The following SMIM35 variants were observed in gnomAD, a reference collection of about 807,000 sequenced individuals.
SMIM35 encodes TMPRSS4 antisense RNA 1 (non-protein coding).
chr11:118,024,995 C>T (rs1473399476), intron 1 of SMIM35, among the ~76,000 whole-genome samples: 1 of 152,152 alleles, frequency 6.6e-6, no homozygotes, highest in Non-Finnish European at 1.5e-5. Flanking sequence ...GTTAAGCTTT[C>T]ACTTGTAACG....
intron 1 of SMIM35, among the ~76,000 whole-genome samples, chr11:118,027,848 A>G (rs887128938): frequency 2.0e-5 from 3 of 152,212 alleles, no homozygotes; most frequent in African/African-American, 7.2e-5. Flanking sequence ...CACTCACAGT[A>G]GTATTTGGCC....
At chr11:118,063,769 C>T (rs972327904) in intron 1 of SMIM35, among the ~76,000 whole-genome samples, 1 of 152,230 alleles carries the variant, frequency 6.6e-6, no homozygotes, top group Non-Finnish European at 1.5e-5. Context: ...TAAAAAAGGA[C>T]AGGTAGCTGA....
intron 4 of SMIM35, among the ~76,000 whole-genome samples, chr11:118,011,695 AAAAG>A (rs958418486): frequency 3.9e-5 from 6 of 152,126 alleles, no homozygotes; most frequent in Admixed American, 6.5e-5. Flanking sequence ...CCATCTCAAA[AAAAG>A]AAAGAAAGAA....
At chr11:118,072,584 A>G (rs889840037) in intron 1 of SMIM35, among the ~76,000 whole-genome samples, 2 of 152,212 alleles carry the variant, frequency 1.3e-5, no homozygotes, top group African/African-American at 2.4e-5. Flanking sequence ...AGAAAGAAGG[A>G]AATCAGGCAG....
At chr11:118,057,024 G>C (rs1473625029) in intron 1 of SMIM35, among the ~76,000 whole-genome samples, 1 of 152,186 alleles carries the variant, frequency 6.6e-6, no homozygotes, top group Non-Finnish European at 1.5e-5. Context: ...TCCCCAAGCT[G>C]AGTGGTGAGG....
intron 1 of SMIM35, among the ~76,000 whole-genome samples, chr11:118,049,031 T>A (rs10892206): frequency 0.089 from 13,380 of 150,852 alleles, 1,079 homozygotes; most frequent in East Asian, 0.39. Context: ...AAAAATATAT[T>A]TTTTTAAGTA....
At chr11:118,051,825 GATACTAATACTA>G (rs57139857) in intron 1 of SMIM35, among the ~76,000 whole-genome samples, 1,822 of 149,520 alleles carry the variant, frequency 0.012, 16 homozygotes, top group African/African-American at 0.023. Context: ...AGTTTAGGTT[GATACTAATACTA>G]ATACTAATAC....
At chr11:118,052,011 A>G (rs1480359839) in intron 1 of SMIM35, among the ~76,000 whole-genome samples, 1 of 152,160 alleles carries the variant, frequency 6.6e-6, no homozygotes, top group South Asian at 2.1e-4. Flanking sequence ...TCCCTAGAAC[A>G]TGGCGCTGAT....
chr11:118,020,802 T>C (rs1043531846), intron 1 of SMIM35, among the ~76,000 whole-genome samples: 8 of 152,230 alleles, frequency 5.3e-5, no homozygotes, highest in African/African-American at 4.8e-5. Flanking sequence ...TGTTCTTATA[T>C]GTCTCAGTTT....
At chr11:118,017,703 G>C (rs58551444) in intron 1 of SMIM35, among the ~76,000 whole-genome samples, 14,605 of 152,134 alleles carry the variant, frequency 0.096, 978 homozygotes, top group East Asian at 0.37. Flanking sequence ...CCTGAGACTG[G>C]GTAATTTATA....
chr11:118,026,878 T>A (rs1316016608), intron 1 of SMIM35, among the ~76,000 whole-genome samples: 1 of 152,168 alleles, frequency 6.6e-6, no homozygotes, highest in Non-Finnish European at 1.5e-5. Flanking sequence ...TAAACTGATA[T>A]GCCTCTTCAC....
chr11:118,028,156 C>A (rs1328252976), intron 1 of SMIM35, among the ~76,000 whole-genome samples: 2 of 152,180 alleles, frequency 1.3e-5, no homozygotes, highest in African/African-American at 4.8e-5. Flanking sequence ...CCCTTCTATT[C>A]CATTGCTTCC....
At position 118,052,549 on chromosome 11, in the gene SMIM35, T is replaced by C. The variant is rs1380913184; in HGVS notation, c.7+34202A>G. Among the ~76,000 whole-genome samples, 6 of 152,284 alleles carry C rather than the reference T, an allele frequency of 3.9e-5. No homozygotes were observed. The East Asian group carries it at 1.2e-3, about 29-fold the overall frequency. On this transcript the variant is annotated intron_variant, in intron 1 of 4. Coordinates refer to ENST00000689828, the MANE Select transcript of SMIM35 (RefSeq NM_001394165.1). Reference sequence around the variant, plus strand: ...TTCATCTAAGAAAGCCTCAAAACTATGTAAGCCTCAGGCCCCCACAGAACC... The same window carrying C: ...TTCATCTAAGAAAGCCTCAAAACTACGTAAGCCTCAGGCCCCCACAGAACC...
chr11:118,056,274 G>A (rs1162862616), intron 1 of SMIM35, among the ~76,000 whole-genome samples: 1 of 152,178 alleles, frequency 6.6e-6, no homozygotes, highest in Non-Finnish European at 1.5e-5. Context: ...ATCCTGGAGA[G>A]ATGATGGGAG....
chr11:118,023,999 A>T (rs527363705), intron 1 of SMIM35, among the ~76,000 whole-genome samples: 277 of 150,302 alleles, frequency 1.8e-3, no homozygotes, highest in Non-Finnish European at 3.5e-3. Flanking sequence ...TGGGTGATAG[A>T]GTGAGATGCC....
intron 1 of SMIM35, chr11:118,029,687 C>T (rs1440093847): frequency 4.4e-6 from 2 of 457,340 alleles, no homozygotes; most frequent in Admixed American, 4.7e-5. Context: ...GCAGTTTTTC[C>T]AAATTCATGG....
chr11:118,025,584 T>C (rs1270146660), intron 1 of SMIM35: 2 of 454,646 alleles, frequency 4.4e-6, no homozygotes, highest in South Asian at 1.6e-5. Flanking sequence ...GCCACTTGTA[T>C]GTCTTCTTTT....
chr11:118,044,456 C>T (rs539020546), intron 1 of SMIM35, among the ~76,000 whole-genome samples: 6 of 152,164 alleles, frequency 3.9e-5, no homozygotes, highest in Admixed American at 1.3e-4. Flanking sequence ...GTCATCCCAC[C>T]GCCCATCTAA....
chr11:118,019,166 T>A (rs1159428305), intron 1 of SMIM35, among the ~76,000 whole-genome samples: 2 of 152,228 alleles, frequency 1.3e-5, no homozygotes, highest in African/African-American at 4.8e-5. Flanking sequence ...GTTTTCAAAC[T>A]TTATGAAAAT....
Sources: gnomAD v4.1 joint callset for allele counts (sites outside exome capture counted in the v4.1 genomes callset) on GRCh38, gnomAD v4.1.1 for gene constraint, MANE v1.5 for transcripts, NCBI Gene and HGNC (gene_info 2026-07-23, HGNC 2026-07-21) for gene names.